Variants in EYS observed in about 807,000 individuals in gnomAD.
The protein encoded by EYS is protein eyes shut homolog.
Under a neutral mutation model 282.1 loss-of-function variants are expected in EYS, and 250 were observed. The observed-to-expected ratio is 0.89, with a 90% CI of 0.80 to 0.98. EYS has a LOEUF of 0.98. Ranked by LOEUF, EYS falls within the 50% of genes least tolerant of loss-of-function variation. The pLI, the probability that EYS is intolerant of heterozygous loss-of-function variation, is 0.00. For synonymous variants in EYS, 1,355 were observed against 1,282.9 expected (o/e 1.06, Z -1.20); for missense variants, 4,016 against 3,709.0 (o/e 1.08, Z -2.15).
intron 33 of EYS, among the ~76,000 whole-genome samples, chr6:64,013,764 T>G (rs1582132479): frequency 6.6e-6 from 1 of 152,090 alleles, no homozygotes; most frequent in African/African-American, 2.4e-5. Context: ...AACAAGGGCA[T>G]TAGGAAAGCT....
chr6:64,889,283 A>G (rs567273190), intron 18 of EYS, among the ~76,000 whole-genome samples: 1 of 152,096 alleles, frequency 6.6e-6, no homozygotes, highest in African/African-American at 2.4e-5. Flanking sequence ...TACTTGTTGC[A>G]TAAGTTAATG....
At chr6:63,895,912 T>G (rs2780940) in intron 35 of EYS, among the ~76,000 whole-genome samples, 176 of 3,672 alleles carry the variant, frequency 0.048, 8 homozygotes, top group Non-Finnish European at 0.15. Flanking sequence ...TTTGTTTTTT[T>G]TTTTTTTTTT....
At chr6:64,091,210 T>C (rs1428476049) in intron 31 of EYS, among the ~76,000 whole-genome samples, 3 of 152,216 alleles carry the variant, frequency 2.0e-5, no homozygotes, top group Non-Finnish European at 4.4e-5. Flanking sequence ...TCGTCTTAAA[T>C]CATTTCAGTA....
At chr6:64,984,165 C>T (rs1189556112) in intron 14 of EYS, among the ~76,000 whole-genome samples, 2 of 151,338 alleles carry the variant, frequency 1.3e-5, no homozygotes, top group African/African-American at 4.8e-5. Flanking sequence ...GAAAGGCAAA[C>T]TGGACTTCTG....
intron 28 of EYS, among the ~76,000 whole-genome samples, chr6:64,429,005 C>A (rs147086294): frequency 1.3e-5 from 2 of 151,932 alleles, no homozygotes; most frequent in Admixed American, 6.6e-5. Context: ...GAGGTCCAGA[C>A]GACTTATAGA....
intron 35 of EYS, among the ~76,000 whole-genome samples, chr6:63,891,689 C>G (rs1417407489): frequency 6.6e-6 from 1 of 152,192 alleles, no homozygotes; most frequent in Non-Finnish European, 1.5e-5. Context: ...CAAGGATGCT[C>G]TCTTTCACCA....
At chr6:65,594,503 T>C (rs902778671) in intron 2 of EYS, among the ~76,000 whole-genome samples, 1 of 151,966 alleles carries the variant, frequency 6.6e-6, no homozygotes, top group Non-Finnish European at 1.5e-5. Context: ...TTTTCCTTTT[T>C]TTATATATAT....
chr6:65,701,330 C>T (rs1311327163), intron 1 of EYS, among the ~76,000 whole-genome samples: 1 of 152,082 alleles, frequency 6.6e-6, no homozygotes, highest in African/African-American at 2.4e-5. Context: ...TATTCAAACA[C>T]TAAGAAGAAA....
intron 12 of EYS, among the ~76,000 whole-genome samples, chr6:65,085,472 A>T (rs1774338972): frequency 6.6e-6 from 1 of 152,202 alleles, no homozygotes; most frequent in Admixed American, 6.5e-5. Flanking sequence ...CTGTGCTTCA[A>T]GCCAGCCAGA....
At chr6:65,405,054 G>A (rs541076718) in intron 6 of EYS, 120 bp downstream of exon 6, 199 of 702,300 alleles carry the variant, frequency 2.8e-4, no homozygotes, top group East Asian at 2.6e-3. Context: ...GTTCTTGTTC[G>A]TCTGAGTTTA....
chr6:64,352,542 T>C lies in EYS; in HGVS notation c.6078+36148A>G, dbSNP rs538466873. Reference sequence around the variant, plus strand: ...CCCTTGTCCAAGTCACCAATGTTTTTATCACAAATGTATGCCTGTCTTTTC... The same window carrying C: ...CCCTTGTCCAAGTCACCAATGTTTTCATCACAAATGTATGCCTGTCTTTTC... On this transcript the variant is annotated intron_variant, in intron 29 of 42. Coordinates refer to ENST00000503581, the MANE Select transcript of EYS (RefSeq NM_001142800.2). Among the ~76,000 whole-genome samples the C allele has an allele frequency of 8.6e-5, 13 of 151,694 alleles. No homozygotes were observed. The East Asian group carries it at 2.3e-3, about 27-fold the overall frequency.
intron 40 of EYS, among the ~76,000 whole-genome samples, chr6:63,767,144 T>C (rs953646838): frequency 6.6e-6 from 1 of 152,038 alleles, no homozygotes; most frequent in Non-Finnish European, 1.5e-5. Context: ...GGGTGAAAGA[T>C]CGAACCATTC....
chr6:64,146,006 C>T (rs1165872487), intron 31 of EYS, among the ~76,000 whole-genome samples: 1 of 151,960 alleles, frequency 6.6e-6, no homozygotes, highest in East Asian at 1.9e-4. Flanking sequence ...TAGTGTAACT[C>T]TAACTTAAAA....
intron 14 of EYS, among the ~76,000 whole-genome samples, chr6:64,972,186 C>A (rs774521896): frequency 6.6e-6 from 1 of 152,074 alleles, no homozygotes; most frequent in Non-Finnish European, 1.5e-5. Context: ...ATAGAAAAAG[C>A]ATTGCCAGAA....
At chr6:64,660,630 A>G (rs1181306365) in intron 22 of EYS, among the ~76,000 whole-genome samples, 5 of 152,196 alleles carry the variant, frequency 3.3e-5, no homozygotes, top group Non-Finnish European at 7.3e-5. Flanking sequence ...GTGAACTCCC[A>G]TTCACAATTG....
chr6:64,226,745 A>ATGTTATTAG, intron 31 of EYS, among the ~76,000 whole-genome samples: 1 of 152,218 alleles, frequency 6.6e-6, no homozygotes, highest in South Asian at 2.1e-4. Flanking sequence ...CTATAAGTCA[A>ATGTTATTAG]CGTTATTAGC....
At chr6:64,189,571 G>T (rs528918478) in intron 31 of EYS, among the ~76,000 whole-genome samples, 2 of 152,136 alleles carry the variant, frequency 1.3e-5, no homozygotes, top group African/African-American at 2.4e-5. Context: ...TGCCGTGAAG[G>T]TGTTTTGTAG....
intron 22 of EYS, among the ~76,000 whole-genome samples, chr6:64,716,678 C>A (rs1205509302): frequency 6.6e-6 from 1 of 152,178 alleles, no homozygotes; most frequent in Non-Finnish European, 1.5e-5. Context: ...TTTAGCAATG[C>A]AGTTAGCAAC....
chr6:65,189,956 T>A (rs1304806712), intron 12 of EYS, among the ~76,000 whole-genome samples: 1 of 151,804 alleles, frequency 6.6e-6, no homozygotes, highest in Non-Finnish European at 1.5e-5. Flanking sequence ...TCTGTGCTTC[T>A]TCCGTTCAGG....
Sources: gnomAD v4.1 joint callset for allele counts (sites outside exome capture counted in the v4.1 genomes callset) on GRCh38, gnomAD v4.1.1 for gene constraint, MANE v1.5 for transcripts, NCBI Gene and HGNC (gene_info 2026-07-23, HGNC 2026-07-21) for gene names.